IFT140: variants seen among roughly 807,000 people sequenced by gnomAD.
IFT140 encodes intraflagellar transport protein 140 homolog.
Under a neutral mutation model 164.6 loss-of-function variants are expected in IFT140, and 133 were observed. The observed-to-expected ratio is 0.81, with a 90% confidence interval of 0.70 to 0.93. The LOEUF (loss-of-function observed/expected upper bound fraction) is 0.93, where lower values mean the gene tolerates loss of function less well. Ranked by LOEUF, IFT140 falls within the 40% of genes least tolerant of loss-of-function variation. IFT140 has a pLI of 0.00. For missense variants in IFT140, 2,045 were observed against 1,972.3 expected (o/e 1.04, Z -0.70); for synonymous variants, 860 against 817.3 (o/e 1.05, Z -0.89).
rs544908970 is a variant in IFT140 at position 1,511,112 on chromosome 16, G to A, written c.4221C>T (p.Pro1407=). 5 of 1,609,870 alleles carry A rather than the reference G, an allele frequency of 3.1e-6. No homozygotes were observed. Among genetic ancestry groups the A allele is most frequent in the African/African-American group, 1.3e-5 (1 of 75,036 alleles). The change falls in exon 31 of 31, where the codon CCC becomes CCT. Residue 1407 remains proline (P), a synonymous_variant. Coordinates refer to ENST00000426508, the MANE Select transcript of IFT140 (RefSeq NM_014714.4). ...TCACGTAGTAGGACATGTTGGCCAA[G>A]GGAAGCCGCCGCCGCATCTCCTCCA... is the stretch of plus-strand genomic sequence containing the variant. The part of the protein sequence containing the change: ...RFLEEMRRRL[P]LANMSYYVSP...
At position 1,553,158 on chromosome 16, in the gene IFT140, CTGGTTACCCATCTCT is replaced by C. The variant is rs1226002484; in HGVS notation, c.2399+4762_2399+4776del. Reference sequence around the variant, plus strand: ...GCTTGGGTTTTTAGGAAAAACAAGGCTGGTTACCCATCTCTTGCTCTCTGTCTCTCCTTCCCTGTG... The same window carrying C: ...GCTTGGGTTTTTAGGAAAAACAAGGCTGCTCTCTGTCTCTCCTTCCCTGTG... On this transcript the variant is annotated intron_variant, in intron 19 of 30. Transcript: ENST00000426508. The surrounding 1 kb of genome is among the most constrained non-coding windows in gnomAD (Gnocchi z 4.4). 1 of 985,224 alleles carries C rather than the reference CTGGTTACCCATCTCT, an allele frequency of 1.0e-6. No individual in the cohort carries two copies. The highest frequency in any genetic ancestry group is 1.1e-4 in the East Asian group (1 of 8,830). 61.0% of individuals were successfully genotyped at this position (985,224 alleles called of 1,614,324 possible).
intron 26 of IFT140, among the ~76,000 whole-genome samples, chr16:1,522,504 T>C (rs2040554193): frequency 6.6e-6 from 1 of 152,022 alleles, no homozygotes; most frequent in Non-Finnish European, 1.5e-5. Flanking sequence ...CATTGCACTA[T>C]AGCCTGGGCA....
At chr16:1,580,887 C>A in intron 12 of IFT140, 37 bp from the exon 13 acceptor site, 1 of 1,415,520 alleles carries the variant, frequency 7.1e-7, no homozygotes, top group South Asian at 1.2e-5. Context: ...GGCGGCCGCT[C>A]ATCCGCCAGA....
intron 4 of IFT140, among the ~76,000 whole-genome samples, chr16:1,595,396 T>G (rs2035409990): frequency 6.6e-6 from 1 of 152,012 alleles, no homozygotes; most frequent in Non-Finnish European, 1.5e-5. Context: ...GGCAAGCAGA[T>G]CACGAGGTCA....
At chr16:1,571,355 C>T in intron 14 of IFT140, 52 bp downstream of exon 14, 2 of 1,583,844 alleles carry the variant, frequency 1.3e-6, no homozygotes, top group Admixed American at 1.7e-5. Flanking sequence ...ATCACACTGT[C>T]TCCTGACTGA....
chr16:1,594,444 C>T (rs1206147810), intron 4 of IFT140, among the ~76,000 whole-genome samples: 1 of 152,108 alleles, frequency 6.6e-6, no homozygotes, highest in Non-Finnish European at 1.5e-5. Flanking sequence ...TGGTATCAAA[C>T]TCCAGGGCTC....
At chr16:1,597,307 C>T (rs988809292) in intron 4 of IFT140, among the ~76,000 whole-genome samples, 28 of 152,144 alleles carry the variant, frequency 1.8e-4, no homozygotes, top group African/African-American at 5.6e-4. Flanking sequence ...AGGGATTGCC[C>T]GCCTCCCTGG....
intron 19 of IFT140, among the ~76,000 whole-genome samples, chr16:1,530,535 G>C (rs2030354955): frequency 6.6e-6 from 1 of 151,588 alleles, no homozygotes; most frequent in Non-Finnish European, 1.5e-5. Flanking sequence ...GCCCCGCGTG[G>C]CTCCTTTCCT....
At position 1,553,395 on chromosome 16, in the gene IFT140, C is replaced by T. The variant is rs2032837515; in HGVS notation, c.2399+4540G>A. 2 of 985,348 alleles carry T rather than the reference C, an allele frequency of 2.0e-6. No homozygotes were observed. Among genetic ancestry groups the T allele is most frequent in the Non-Finnish European group, 1.2e-6 (1 of 829,932 alleles). The allele number at this position is 985,348 out of a possible 1,614,324, so 61.0% of individuals were successfully genotyped here. ...CACAGGGCAGGGCATGATTTGGTTT[C>T]CTGGGGAATGCAGGGGAGGCGGTTG... is the stretch of plus-strand genomic sequence containing the variant. On this transcript the variant is annotated intron_variant, in intron 19 of 30. Coordinates refer to ENST00000426508, the MANE Select transcript of IFT140 (RefSeq NM_014714.4). This position sits in a 1 kb window ranked among gnomAD's most constrained non-coding sequence, Gnocchi z 4.4.
chr16:1,593,176 AACT>A (rs569385398), intron 4 of IFT140, among the ~76,000 whole-genome samples: 297 of 152,374 alleles, frequency 1.9e-3, no homozygotes, highest in African/African-American at 6.8e-3. Flanking sequence ...AAAGTTACAA[AACT>A]ACTGTGTATA....
Position 1,583,480 on chromosome 16 carries a change from C to T in IFT140, c.1360-94G>A, listed in dbSNP as rs1336585816. The T allele has an allele frequency of 6.7e-6, 6 of 891,918 alleles. 1 individual carries two copies. The highest frequency in any genetic ancestry group is 4.9e-5 in the East Asian group (2 of 40,730). 55.3% of individuals were successfully genotyped at this position (891,918 alleles called of 1,614,324 possible). On this transcript the variant is annotated intron_variant, in intron 11 of 30. Transcript: ENST00000426508. ...ACACCTCGAAAGCCTCCTCTAAACA[C>T]TTCTGAACACTGCTGCTCCATCATC... is the stretch of plus-strand genomic sequence containing the variant.
At chr16:1,513,961 C>CCG in intron 30 of IFT140, among the ~76,000 whole-genome samples, 2 of 151,540 alleles carry the variant, frequency 1.3e-5, no homozygotes, top group Non-Finnish European at 2.9e-5. Flanking sequence ...GCGTGAGCCA[C>CCG]TGCACCCGGC....
Position 1,566,142 on chromosome 16 carries a change from T to C in IFT140, c.1901+19A>G, listed in dbSNP as rs201594060. 4.3e-6 allele frequency: 7 copies of C among 1,609,690 alleles called. No individual in the cohort carries two copies. The African/African-American group carries it at 6.7e-5, about 15-fold the overall frequency. On this transcript the variant is annotated intron_variant, in intron 16 of 30. Coordinates refer to ENST00000426508, the MANE Select transcript of IFT140 (RefSeq NM_014714.4). ...AACATCATTTTTTCCAACAAAATCC[T>C]CCTGAACCACAATCTTACTTATTAG...
At chr16:1,606,624 C>T (rs887426109) in intron 3 of IFT140, among the ~76,000 whole-genome samples, 1 of 152,148 alleles carries the variant, frequency 6.6e-6, no homozygotes, top group African/African-American at 2.4e-5. Context: ...CCATGCCCGG[C>T]TAATTTTGTA....
chr16:1,545,143 T>C (rs2032058615), intron 19 of IFT140, among the ~76,000 whole-genome samples: 1 of 152,224 alleles, frequency 6.6e-6, no homozygotes, highest in South Asian at 2.1e-4. Context: ...CGAGCTGTCT[T>C]ACAGCATTCC....
chr16:1,559,018 C>T lies in IFT140; in HGVS notation c.2200-884G>A, dbSNP rs146482273. ...AAAGAAATCTGGGGGATTTGTCAGACGCAGTTGTGATGGGGAGGCCCTTCT... is the reference window on the plus strand; with the variant it reads ...AAAGAAATCTGGGGGATTTGTCAGATGCAGTTGTGATGGGGAGGCCCTTCT... On this transcript the variant is annotated intron_variant, in intron 18 of 30. Transcript: ENST00000426508. 4.1e-4 allele frequency among the ~76,000 whole-genome samples: 62 copies of T among 152,326 alleles called. 1 individual carries two copies. The highest frequency in any genetic ancestry group is 1.3e-3 in the African/African-American group (54 of 41,576).
chr16:1,593,678 T>C (rs1233429804), intron 4 of IFT140, among the ~76,000 whole-genome samples: 1 of 152,022 alleles, frequency 6.6e-6, no homozygotes, highest in Non-Finnish European at 1.5e-5. Context: ...GTTGATAGTT[T>C]TTCTCATAGT....
intron 19 of IFT140, 87 bp from the exon 20 acceptor site, chr16:1,526,883 C>T: frequency 7.1e-7 from 1 of 1,402,952 alleles, no homozygotes; most frequent in South Asian, 1.4e-5. Flanking sequence ...GGCAAGTAGT[C>T]ATCAGGCACA....
At chr16:1,539,167 T>C (rs1007007842) in intron 19 of IFT140, among the ~76,000 whole-genome samples, 2 of 150,320 alleles carry the variant, frequency 1.3e-5, no homozygotes, top group African/African-American at 5.0e-5. Context: ...AGCTGCACAG[T>C]GCCACGCCGC....
Sources: allele counts gnomAD v4.1 joint callset (sites outside exome capture counted in the v4.1 genomes callset), GRCh38; gene constraint gnomAD v4.1.1; non-coding constraint Gnocchi (gnomAD v3.1); transcripts MANE v1.5; gene names NCBI Gene and HGNC (gene_info 2026-07-23, HGNC 2026-07-21).